Variants in PCSK5 observed in about 807,000 individuals in gnomAD.
PCSK5 encodes the protein proprotein convertase subtilisin/kexin type 5.
A neutral mutation model predicts 233.2 loss-of-function variants in PCSK5; 129 were observed. The ratio of observed to expected loss-of-function variants is 0.55; its 90% CI spans 0.48 to 0.64. The LOEUF is 0.64. Among genes scored for constraint, PCSK5 ranks in the 30% least tolerant of loss-of-function variants. PCSK5 has a pLI of 0.00. For missense variants in PCSK5, 2,076 were observed against 2,430.1 expected (o/e 0.85, Z 3.06); for synonymous variants, 825 against 879.2 (o/e 0.94, Z 1.09).
intron 1 of PCSK5, among the ~76,000 whole-genome samples, chr9:75,915,747 G>A (rs1363496080): frequency 6.6e-6 from 1 of 152,158 alleles, no homozygotes; most frequent in Non-Finnish European, 1.5e-5. Flanking sequence ...GCAGATATGA[G>A]GAATGGTCCA....
intron 2 of PCSK5, among the ~76,000 whole-genome samples, chr9:75,959,544 C>T (rs1038326957): frequency 1.3e-5 from 2 of 152,122 alleles, no homozygotes; most frequent in African/African-American, 2.4e-5. Context: ...TCATGTAATT[C>T]GATGATCCCC....
At chr9:76,177,558 T>G (rs1257755941) in intron 14 of PCSK5, among the ~76,000 whole-genome samples, 1 of 152,204 alleles carries the variant, frequency 6.6e-6, no homozygotes, top group South Asian at 2.1e-4. Context: ...TTTTGTGATG[T>G]TTTGCTTTGA....
chr9:75,921,686 G>A lies in PCSK5; in HGVS notation c.193-10693G>A, dbSNP rs189206616. On this transcript the variant is annotated intron_variant, in intron 1 of 37. Transcript: ENST00000674117. ...CTCTCCAGAAATTACTTACAGATGG[G>A]TTTTGAAGAACTTTTCATAAGAATG... 4.7e-3 allele frequency among the ~76,000 whole-genome samples: 712 copies of A among 152,202 alleles called. 6 individuals carry two copies. Among genetic ancestry groups the A allele is most frequent in the African/African-American group, 0.016 (677 of 41,532 alleles).
At chr9:76,271,013 C>A (rs1359192627) in intron 24 of PCSK5, among the ~76,000 whole-genome samples, 3 of 152,066 alleles carry the variant, frequency 2.0e-5, no homozygotes, top group Admixed American at 6.6e-5. Flanking sequence ...CCGCTGTGTA[C>A]TATCATCTTC....
chr9:76,047,604 G>T (rs936408553), intron 5 of PCSK5, among the ~76,000 whole-genome samples: 1 of 151,994 alleles, frequency 6.6e-6, no homozygotes, highest in Non-Finnish European at 1.5e-5. Flanking sequence ...CACCATTTCT[G>T]CCCTCTCAAG....
intron 3 of PCSK5, among the ~76,000 whole-genome samples, chr9:75,998,587 A>G (rs1261085971): frequency 6.6e-6 from 1 of 152,218 alleles, no homozygotes; most frequent in Non-Finnish European, 1.5e-5. Flanking sequence ...ACTTCCTTGT[A>G]CTTTATCAGA....
chr9:76,354,596 A>G (rs1160895491), intron 37 of PCSK5, among the ~76,000 whole-genome samples: 2 of 152,108 alleles, frequency 1.3e-5, no homozygotes, highest in African/African-American at 2.4e-5. Flanking sequence ...CCTGAGCAAC[A>G]TGGCAAATCC....
At chr9:76,187,513 C>A (rs1396077410) in intron 17 of PCSK5, among the ~76,000 whole-genome samples, 11 of 152,030 alleles carry the variant, frequency 7.2e-5, no homozygotes, top group Non-Finnish European at 1.3e-4. Context: ...AGGCAGGCAC[C>A]ACCATGCCTA....
chr9:76,041,664 AC>A (rs1221904838), intron 5 of PCSK5, among the ~76,000 whole-genome samples: 3 of 151,814 alleles, frequency 2.0e-5, no homozygotes, highest in African/African-American at 7.3e-5. Flanking sequence ...ATATGGTGAA[AC>A]CCCGTCTCTA....
chr9:76,067,869 T>A (rs1830340863), intron 5 of PCSK5, 86 bp from the exon 6 acceptor site: 1 of 1,043,714 alleles, frequency 9.6e-7, no homozygotes, highest in African/African-American at 1.6e-5. Flanking sequence ...GGTACATTCT[T>A]CACCACTCTG....
intron 30 of PCSK5, among the ~76,000 whole-genome samples, chr9:76,317,796 G>A (rs571903567): frequency 1.3e-5 from 2 of 152,312 alleles, no homozygotes; most frequent in African/African-American, 4.8e-5. Flanking sequence ...TCATGGCTGT[G>A]AGAAGAACGT....
At chr9:76,136,730 TA>T (rs529434510) in intron 10 of PCSK5, among the ~76,000 whole-genome samples, 258 of 151,378 alleles carry the variant, frequency 1.7e-3, no homozygotes, top group Middle Eastern at 3.4e-3. Context: ...AAAAGTAGTT[TA>T]AAAAAAAATA....
intron 1 of PCSK5, among the ~76,000 whole-genome samples, chr9:75,916,740 G>A (rs901918266): frequency 6.6e-6 from 1 of 152,130 alleles, no homozygotes; most frequent in African/African-American, 2.4e-5. Context: ...GTAAATGGGA[G>A]CCAGATATGA....
chr9:76,304,418 CCCAGGTATGAAA>C (rs1421831384), intron 28 of PCSK5, among the ~76,000 whole-genome samples: 6 of 152,118 alleles, frequency 3.9e-5, no homozygotes, highest in African/African-American at 1.4e-4. Context: ...GAGCAGGCCA[CCCAGGTATGAAA>C]CCAGAGGGAA....
intron 27 of PCSK5, among the ~76,000 whole-genome samples, chr9:76,298,977 G>A (rs1254354547): frequency 7.2e-5 from 11 of 152,114 alleles, no homozygotes; most frequent in South Asian, 4.1e-4. Context: ...TCCTGTTTGC[G>A]TCTGAAGACT....
intron 24 of PCSK5, among the ~76,000 whole-genome samples, chr9:76,280,266 C>T (rs187265731): frequency 1.1e-4 from 16 of 152,226 alleles, no homozygotes; most frequent in African/African-American, 3.6e-4. Context: ...TTTCCACTGA[C>T]GGCATTTCCC....
chr9:76,227,973 CT>C (rs1303143941), intron 21 of PCSK5, among the ~76,000 whole-genome samples: 310 of 142,500 alleles, frequency 2.2e-3, no homozygotes, highest in African/African-American at 3.0e-3. Flanking sequence ...GTGAACTGTT[CT>C]TTTTTTTTTT....
At chr9:76,223,511 T>A (rs1044521655) in intron 20 of PCSK5, among the ~76,000 whole-genome samples, 2 of 152,218 alleles carry the variant, frequency 1.3e-5, no homozygotes, top group Non-Finnish European at 2.9e-5. Flanking sequence ...TTTTAAAATT[T>A]ATAAGTATTA....
At position 76,035,175 on chromosome 9, in the gene PCSK5, A is replaced by C. The variant is rs557879157; in HGVS notation, c.632+8138A>C. 4.6e-5 allele frequency among the ~76,000 whole-genome samples: 7 copies of C among 152,344 alleles called. No homozygotes were observed. The South Asian group carries it at 1.5e-3, about 32-fold the overall frequency. On this transcript the variant is annotated intron_variant, in intron 5 of 37. Transcript: ENST00000674117. ...GTTTCCTGATAGGCACTTGACTGAC[A>C]CAAGTATGTTTGTTCTTTAGCCTGG...
Sources: allele counts gnomAD v4.1 joint callset (sites outside exome capture counted in the v4.1 genomes callset), GRCh38; gene constraint gnomAD v4.1.1; transcripts MANE v1.5; gene names NCBI Gene and HGNC (gene_info 2026-07-23, HGNC 2026-07-21).